Variants in ARL5A observed in about 807,000 individuals in gnomAD.
ARL5A encodes ADP-ribosylation factor-like protein 5A.
Under a neutral mutation model 25.9 loss-of-function variants are expected in ARL5A, and 18 were observed. That is an observed-to-expected ratio of 0.69 (90% confidence interval 0.48 to 1.03). The LOEUF is 1.03. Among genes scored for constraint, ARL5A ranks in the 50% least tolerant of loss-of-function variants. The probability of loss-of-function intolerance (pLI) is 0.00; values close to 1 mark genes in which losing one functional copy is unlikely to be tolerated. For synonymous variants in ARL5A, 61 were observed against 67.5 expected, an observed-to-expected ratio of 0.90 and a Z score of 0.47; for missense variants, 170 against 211.9, an observed-to-expected ratio of 0.80 and a Z score of 1.23.
At position 151,814,304 on chromosome 2, in the gene ARL5A, T is replaced by A. The variant is rs763142365; in HGVS notation, c.120A>T (p.Glu40Asp). The stretch of plus-strand genomic sequence containing the variant: ...CTATTGTAGGAGATGTATGTACAAC[T>A]TCATTCATAGAACTGGGGAAAAAAG... ...TTILYQFSMN[E>D]VVHTSPTIGS... Residue 40 changes from glutamate (E) to aspartate (D), a missense_variant, in exon 3 of 6, where the codon GAA (glutamate) becomes GAT (aspartate). Glu to Asp is a conservative substitution (Grantham distance 45). Transcript: ENST00000295087. The A allele has an allele frequency of 6.4e-7, 1 of 1,560,772 alleles. No individual in the cohort carries two copies. Among genetic ancestry groups the A allele is most frequent in the Non-Finnish European group, 8.6e-7 (1 of 1,158,702 alleles).
intron 3 of ARL5A, among the ~76,000 whole-genome samples, chr2:151,813,910 A>T (rs1372195443): frequency 6.6e-6 from 1 of 151,928 alleles, no homozygotes; most frequent in Non-Finnish European, 1.5e-5. Flanking sequence ...GGAAGTCATT[A>T]AAAAAAACTA....
chr2:151,799,396 CTTAGA>C lies in ARL5A; in HGVS notation c.*3875_*3879del, dbSNP rs552490214. 4.1e-4 allele frequency: 62 copies of C among 152,140 alleles called. No individual in the cohort carries two copies. Among genetic ancestry groups the C allele is most frequent in the African/African-American group, 1.5e-3 (62 of 41,500 alleles). The allele number at this position is 152,140 out of a possible 1,614,324, so 9.4% of individuals were successfully genotyped here. The stretch of plus-strand genomic sequence containing the variant: ...TGTGGGCAATAGTTTCAAGAATGCC[CTTAGA>C]TTATAGACTACATATAAATTTGGTT... On this transcript the variant is annotated 3_prime_UTR_variant, in exon 6 of 6. Transcript: ENST00000295087.
intron 1 of ARL5A, among the ~76,000 whole-genome samples, chr2:151,817,745 T>C (rs931785750): frequency 2.6e-5 from 4 of 152,208 alleles, no homozygotes; most frequent in Middle Eastern, 3.2e-3. Flanking sequence ...CTCATGCCTA[T>C]AATCCCAGCA....
chr2:151,811,630 G>A (rs932628108), intron 4 of ARL5A, among the ~76,000 whole-genome samples: 1 of 152,026 alleles, frequency 6.6e-6, no homozygotes, highest in African/African-American at 2.4e-5. Context: ...CTGAAGTGCA[G>A]TGGCAAGAAC....
chr2:151,807,000 C>T (rs1174736026), intron 4 of ARL5A, 28 bp from the exon 5 acceptor site: 1 of 1,551,414 alleles, frequency 6.4e-7, no homozygotes, highest in African/African-American at 1.4e-5. Context: ...ACTGTAAAGG[C>T]CAATACATTT....
intron 1 of ARL5A, among the ~76,000 whole-genome samples, chr2:151,817,015 TACA>T (rs2099831605): frequency 1.3e-5 from 2 of 152,320 alleles, no homozygotes; most frequent in African/African-American, 4.8e-5. Context: ...ACTTTCAACT[TACA>T]ACAAGTTTAT....
chr2:151,821,226 A>G (rs1559823108), intron 1 of ARL5A, among the ~76,000 whole-genome samples: 2 of 152,342 alleles, frequency 1.3e-5, no homozygotes, highest in South Asian at 4.1e-4. Flanking sequence ...GAATTCCTAT[A>G]TACTTACAAA....
At position 151,828,255 on chromosome 2, in the gene ARL5A, G is replaced by A. The variant is rs2099833365; in HGVS notation, c.-79C>T. 3.0e-6 allele frequency: 4 copies of A among 1,323,224 alleles called. No homozygotes were observed. Among genetic ancestry groups the A allele is most frequent in the African/African-American group, 3.0e-5 (2 of 66,790 alleles). 82.0% of individuals were successfully genotyped at this position (1,323,224 alleles called of 1,614,324 possible). A position where few individuals can be genotyped will look rare whatever the true frequency, so the allele number is the denominator to read the frequency against. Reference sequence around the variant, plus strand: ...GGCTCAGGCTGAGGGGGAGGAGAGAGACGCGCTGGAGCCTCCGCCTCTGCT... The same window carrying A: ...GGCTCAGGCTGAGGGGGAGGAGAGAAACGCGCTGGAGCCTCCGCCTCTGCT... On this transcript the variant is annotated 5_prime_UTR_variant, in exon 1 of 6. Transcript: ENST00000295087.
intron 4 of ARL5A, among the ~76,000 whole-genome samples, chr2:151,808,777 G>A (rs1178793886): frequency 1.3e-5 from 2 of 152,250 alleles, no homozygotes; most frequent in African/African-American, 4.8e-5. Context: ...GCCAGGTGTG[G>A]TGGCTCACAC....
chr2:151,817,616 T>C (rs2099831694), intron 1 of ARL5A, among the ~76,000 whole-genome samples: 1 of 152,200 alleles, frequency 6.6e-6, no homozygotes, highest in Non-Finnish European at 1.5e-5. Context: ...ATCTATTTCT[T>C]TGTAAGAAAG....
At chr2:151,808,142 C>T (rs2099830329) in intron 4 of ARL5A, among the ~76,000 whole-genome samples, 1 of 152,170 alleles carries the variant, frequency 6.6e-6, no homozygotes, top group Admixed American at 6.5e-5. Flanking sequence ...TACATGGATA[C>T]TGGGCCAAGA....
At position 151,828,119 on chromosome 2, in the gene ARL5A, C is replaced by A. The variant is rs374462800; in HGVS notation, c.46+12G>T. ...CTCCCCAACCCGTACGCCCGCGGAC[C>A]GAGCTCCTCACCCTGGTGATTGAAC... On this transcript the variant is annotated intron_variant, in intron 1 of 5. Coordinates refer to ENST00000295087, the MANE Select transcript of ARL5A (RefSeq NM_012097.4). 2 of 1,609,206 alleles carry A rather than the reference C, an allele frequency of 1.2e-6. No individual in the cohort carries two copies. Among genetic ancestry groups the A allele is most frequent in the African/African-American group, 2.7e-5 (2 of 74,404 alleles).
intron 1 of ARL5A, among the ~76,000 whole-genome samples, chr2:151,820,613 T>C (rs1270909376): frequency 7.4e-6 from 1 of 134,436 alleles, no homozygotes; most frequent in Admixed American, 9.3e-5. Flanking sequence ...TGAGCCAAGA[T>C]TGTGTCACTG....
intron 1 of ARL5A, among the ~76,000 whole-genome samples, chr2:151,818,884 C>G (rs2099831873): frequency 6.6e-6 from 1 of 152,114 alleles, no homozygotes; most frequent in Non-Finnish European, 1.5e-5. Context: ...ACAGCATTCT[C>G]AAAATGTCAG....
At position 151,803,275 on chromosome 2, in the gene ARL5A, A is replaced by G; in HGVS notation, c.*1T>C. 2 of 1,611,344 alleles carry G rather than the reference A, an allele frequency of 1.2e-6. No individual in the cohort carries two copies. Among genetic ancestry groups the G allele is most frequent in the East Asian group, 4.5e-5 (2 of 44,818 alleles). On this transcript the variant is annotated 3_prime_UTR_variant, in exon 6 of 6. Coordinates refer to ENST00000295087, the MANE Select transcript of ARL5A (RefSeq NM_012097.4). ...AATCTATGAGAAGAGGTCAGTAGAG[A>G]TCATCTAATCTTAAGTCGTGACATC...
At chr2:151,811,296 C>A (rs1339824717) in intron 4 of ARL5A, among the ~76,000 whole-genome samples, 1 of 152,094 alleles carries the variant, frequency 6.6e-6, no homozygotes, top group Non-Finnish European at 1.5e-5. Flanking sequence ...ACAAAGATAT[C>A]CGTGTTTTCC....
chr2:151,817,660 T>C (rs1041959781), intron 1 of ARL5A, among the ~76,000 whole-genome samples: 12 of 152,348 alleles, frequency 7.9e-5, no homozygotes, highest in African/African-American at 2.2e-4. Flanking sequence ...GGTCCTTAAG[T>C]GACATGACCA....
intron 3 of ARL5A, among the ~76,000 whole-genome samples, chr2:151,813,124 AC>A (rs944286929): frequency 3.9e-5 from 6 of 152,214 alleles, no homozygotes; most frequent in Non-Finnish European, 7.3e-5. Flanking sequence ...GATTTAACTT[AC>A]TTACTTTATG....
intron 4 of ARL5A, 22 bp downstream of exon 4, chr2:151,812,335 T>G: frequency 6.6e-7 from 1 of 1,505,012 alleles, no homozygotes; most frequent in Non-Finnish European, 9.1e-7. Flanking sequence ...CCATATCTAA[T>G]GTAAAAAGAC....
Sources: allele counts gnomAD v4.1 joint callset (sites outside exome capture counted in the v4.1 genomes callset), GRCh38; gene constraint gnomAD v4.1.1; transcripts MANE v1.5; gene names NCBI Gene and HGNC (gene_info 2026-07-23, HGNC 2026-07-21).